ASXL1: variants seen among roughly 807,000 people sequenced by gnomAD.
The protein encoded by ASXL1 is ASXL transcriptional regulator 1.
A neutral mutation model predicts 89.1 loss-of-function variants in ASXL1; 65 were observed. The ratio of observed to expected loss-of-function variants is 0.73; its 90% CI spans 0.60 to 0.90. ASXL1 has a LOEUF of 0.90. Among genes scored for constraint, ASXL1 ranks in the 40% least tolerant of loss-of-function variants. ASXL1 has a pLI of 0.00. For missense variants in ASXL1, 1,786 were observed against 1,942.9 expected (o/e 0.92, Z 1.52); for synonymous variants, 739 against 746.9 (o/e 0.99, Z 0.17).
rs752546076 is a variant in ASXL1, at chr20:32,434,597, G to A, written c.1885G>A (p.Gly629Ser). 11 of 1,612,790 alleles carry A rather than the reference G, an allele frequency of 6.8e-6. No homozygotes were observed. The highest frequency in any genetic ancestry group is 1.3e-5 in the African/African-American group (1 of 74,880). The change falls in exon 13 of 13, where the codon GGT becomes AGT. Residue 629 changes from glycine to serine, a missense_variant. Transcript: ENST00000375687. ...ARALQVRGAR[G>S]HHCHREAATT... The stretch of plus-strand genomic sequence containing the variant: ...TGCTCTGCAGGTCCGAGGGGCGAGA[G>A]GTCACCACTGCCATAGAGAGGCGGC...
intron 1 of ASXL1, 53 bp downstream of exon 1, chr20:32,358,885 GCCGCGCACCCCCCCAC>G: frequency 7.0e-7 from 1 of 1,432,388 alleles, no homozygotes; most frequent in Non-Finnish European, 9.2e-7. Flanking sequence ...GGGGGGGCTC[GCCGCGCACCCCCCCAC>G]TGGGGGGGGA....
chr20:32,362,840 A>T (rs1286621323), intron 1 of ASXL1, among the ~76,000 whole-genome samples: 1 of 152,226 alleles, frequency 6.6e-6, no homozygotes, highest in Non-Finnish European at 1.5e-5. Context: ...GGTTGAGTGG[A>T]TATAAATCCT....
intron 4 of ASXL1, among the ~76,000 whole-genome samples, chr20:32,401,542 G>GTTT (rs778883057): frequency 1.0e-4 from 4 of 40,126 alleles, no homozygotes; most frequent in African/African-American, 1.6e-4. Context: ...GTGTGTGTGT[G>GTTT]TGTTTTTTCC....
chr20:32,399,963 T>C (rs1440689784), intron 4 of ASXL1, among the ~76,000 whole-genome samples: 1 of 152,036 alleles, frequency 6.6e-6, no homozygotes, highest in African/African-American at 2.4e-5. Context: ...GGTTTCGCCA[T>C]GTTGGCCAGG....
At chr20:32,409,495 C>T (rs1015084764) in intron 4 of ASXL1, among the ~76,000 whole-genome samples, 15 of 152,122 alleles carry the variant, frequency 9.9e-5, no homozygotes, top group African/African-American at 3.6e-4. Context: ...TAGTTATTAA[C>T]AACAAGTACA....
chr20:32,377,083 TATAG>T (rs1241381284), intron 4 of ASXL1, among the ~76,000 whole-genome samples: 3 of 139,704 alleles, frequency 2.1e-5, no homozygotes, highest in South Asian at 2.2e-4. Flanking sequence ...TATAATGTTA[TATAG>T]ATATCTATAT....
At position 32,365,160 on chromosome 20, in the gene ASXL1, A is replaced by C. The variant is rs6057563; in HGVS notation, c.58-1224A>C. ...GATAATGAAGGGGTATAGTCAGTAC[A>C]CAACTGAATATTTGAATCTGAAATT... On this transcript the variant is annotated intron_variant, in intron 1 of 12. Transcript: ENST00000375687. Among the ~76,000 whole-genome samples, 1,064 of 152,330 alleles carry C rather than the reference A, an allele frequency of 7.0e-3. 12 individuals carry two copies. The highest frequency in any genetic ancestry group is 0.023 in the African/African-American group (975 of 41,560).
At position 32,366,435 on chromosome 20, in the gene ASXL1, G is replaced by A. The variant is rs1378944067; in HGVS notation, c.109G>A (p.Val37Ile). Residue 37 changes from valine (V) to isoleucine (I), a missense_variant, in exon 2 of 13, where the codon GTC becomes ATC. By Grantham distance (29) the Val-to-Ile change is conservative (BLOSUM62 3). Around this residue, in one of 3 missense-constraint regions of ASXL1, gnomAD observed 332 missense variants for 449.7 expected, o/e 0.74. Transcript: ENST00000375687. ...APMTPKQILQ[V>I]IEAEGLKEMR... ...AATGACACCAAAACAGATTCTGCAG[G>A]TCATAGAGGCAGAAGGACTAAAGGA... is the stretch of plus-strand genomic sequence containing the variant. 1 of 1,613,984 alleles carries A rather than the reference G, an allele frequency of 6.2e-7. No homozygotes were observed. Among genetic ancestry groups the A allele is most frequent in the South Asian group, 1.1e-5 (1 of 91,078 alleles).
In ASXL1 at chr20:32,429,513, A is replaced by G. The variant is rs2011453221; in HGVS notation, c.565+82A>G. On this transcript the variant is annotated intron_variant, in intron 7 of 12. Coordinates refer to ENST00000375687, the MANE Select transcript of ASXL1 (RefSeq NM_015338.6). The surrounding 1 kb of genome is among the most constrained non-coding windows in gnomAD (Gnocchi z 4.9). ...CCCTCTGTCAGCAGTTTCTGACCTA[A>G]TAGTGCGATACTAGGAGAGCTGTCG... 7.2e-7 allele frequency: 1 copy of G among 1,388,498 alleles called. No individual in the cohort carries two copies. Among genetic ancestry groups the G allele is most frequent in the East Asian group, 2.3e-5 (1 of 43,594 alleles). 86.0% of individuals were successfully genotyped at this position (1,388,498 alleles called of 1,614,324 possible). A position where few individuals can be genotyped will look rare whatever the true frequency, so the allele number is the denominator to read the frequency against.
intron 4 of ASXL1, among the ~76,000 whole-genome samples, chr20:32,413,650 G>A (rs569623394): frequency 5.3e-5 from 8 of 152,282 alleles, no homozygotes; most frequent in African/African-American, 1.2e-4. Flanking sequence ...GGGGTTTCCC[G>A]GGGTGTAGGA....
At chr20:32,420,609 G>A (rs2123159140) in intron 4 of ASXL1, among the ~76,000 whole-genome samples, 1 of 152,202 alleles carries the variant, frequency 6.6e-6, no homozygotes, top group East Asian at 1.9e-4. Context: ...TATACAGCAA[G>A]TCTTCTTTGT....
At chr20:32,380,748 C>T (rs928055422) in intron 4 of ASXL1, among the ~76,000 whole-genome samples, 2 of 151,980 alleles carry the variant, frequency 1.3e-5, no homozygotes, top group African/African-American at 4.8e-5. Flanking sequence ...CCTGTCTCAA[C>T]GAACAAAGAA....
At position 32,438,491 on chromosome 20, in the gene ASXL1, T is replaced by C. The variant is rs886056607; in HGVS notation, c.*1153T>C. On this transcript the variant is annotated 3_prime_UTR_variant, in exon 13 of 13. Coordinates refer to ENST00000375687, the MANE Select transcript of ASXL1 (RefSeq NM_015338.6). ...AATGATTGACTTGTGACCTGCCAGGTTGCCCGATGCCCTGTTGGGTCACCG... is the reference window on the plus strand; with the variant it reads ...AATGATTGACTTGTGACCTGCCAGGCTGCCCGATGCCCTGTTGGGTCACCG... 4.3e-6 allele frequency: 1 copy of C among 233,588 alleles called. No homozygotes were observed. Among genetic ancestry groups the C allele is most frequent in the Non-Finnish European group, 8.5e-6 (1 of 118,050 alleles). The allele number at this position is 233,588 out of a possible 1,614,324, so 14.5% of individuals were successfully genotyped here.
At chr20:32,370,413 CAA>C (rs74271758) in intron 4 of ASXL1, among the ~76,000 whole-genome samples, 1 of 134,994 alleles carries the variant, frequency 7.4e-6, no homozygotes, top group East Asian at 2.1e-4. Flanking sequence ...GGCTGTGTTC[CAA>C]AAAAAAAAAA....
chr20:32,398,770 C>T (rs1166179853), intron 4 of ASXL1, among the ~76,000 whole-genome samples: 16 of 151,356 alleles, frequency 1.1e-4, no homozygotes, highest in Admixed American at 7.9e-4. Context: ...CCACTACGCC[C>T]GGCTCATTTT....
intron 1 of ASXL1, 152 bp downstream of exon 1, chr20:32,358,984 G>A: frequency 2.4e-6 from 2 of 823,186 alleles, no homozygotes; most frequent in South Asian, 1.9e-5. Context: ...CCCGCAAGGC[G>A]AGGGGTGGGG....
At chr20:32,392,009 C>T (rs1186154759) in intron 4 of ASXL1, among the ~76,000 whole-genome samples, 1 of 150,976 alleles carries the variant, frequency 6.6e-6, no homozygotes, top group East Asian at 1.9e-4. Flanking sequence ...ATGCTTGGAC[C>T]TAATGTGTGT....
At chr20:32,379,586 G>T (rs2048451779) in intron 4 of ASXL1, among the ~76,000 whole-genome samples, 1 of 151,212 alleles carries the variant, frequency 6.6e-6, no homozygotes, top group Admixed American at 6.6e-5. Context: ...AGCACTTTGG[G>T]AGGCTGAGGT....
At chr20:32,379,118 A>G (rs1341980793) in intron 4 of ASXL1, among the ~76,000 whole-genome samples, 2 of 147,666 alleles carry the variant, frequency 1.4e-5, no homozygotes, top group African/African-American at 2.5e-5. Context: ...AATTGGGTTC[A>G]TAAATGGTGA....
Sources: allele counts gnomAD v4.1 joint callset (sites outside exome capture counted in the v4.1 genomes callset), GRCh38; gene constraint gnomAD v4.1.1; regional missense constraint gnomAD v4.1.1; non-coding constraint Gnocchi (gnomAD v3.1); transcripts MANE v1.5; gene names NCBI Gene and HGNC (gene_info 2026-07-23, HGNC 2026-07-21).